NEK1: variants seen among roughly 807,000 people sequenced by gnomAD.
NEK1 encodes the protein NIMA related kinase 1.
Under a neutral mutation model 182.1 loss-of-function variants are expected in NEK1, and 137 were observed. That is an observed-to-expected ratio of 0.75 (90% CI 0.65 to 0.87). The LOEUF is 0.87. Among genes scored for constraint, NEK1 ranks in the 40% least tolerant of loss-of-function variants. The pLI, the probability that NEK1 is intolerant of heterozygous loss-of-function variation, is 0.00. For missense variants in NEK1, 1,391 were observed against 1,494.4 expected (o/e 0.93, Z 1.14); for synonymous variants, 513 against 492.2 (o/e 1.04, Z -0.56).
chr4:169,580,589 CAGCT>C lies in NEK1; in HGVS notation c.868+249_868+252del, dbSNP rs1766473786. Among the ~76,000 whole-genome samples the C allele has an allele frequency of 2.7e-5, 4 of 150,028 alleles. No homozygotes were observed. The South Asian group carries it at 8.4e-4, about 32-fold the overall frequency. ...TTCTATAACAACGTTCTCAAAATAT[CAGCT>C]AGGCATTTGATAAAGACATAAGATT... On this transcript the variant is annotated intron_variant, in intron 11 of 35. Coordinates refer to ENST00000507142, the MANE Select transcript of NEK1 (RefSeq NM_001199397.3).
At chr4:169,524,564 T>G (rs1561347368) in intron 19 of NEK1, among the ~76,000 whole-genome samples, 3 of 152,046 alleles carry the variant, frequency 2.0e-5, no homozygotes, top group Admixed American at 2.0e-4. Context: ...AGGTACTGAT[T>G]AATCACGCAT....
chr4:169,601,792 T>C (rs1160729704), intron 4 of NEK1, among the ~76,000 whole-genome samples: 3 of 151,076 alleles, frequency 2.0e-5, no homozygotes, highest in Admixed American at 2.0e-4. Flanking sequence ...GCCGAGATCA[T>C]GCCCCTGCAC....
Position 169,598,261 on chromosome 4 carries a change from T to C in NEK1, c.312+839A>G, listed in dbSNP as rs1414711311. 2.6e-5 allele frequency among the ~76,000 whole-genome samples: 4 copies of C among 152,276 alleles called. No individual in the cohort carries two copies. In the East Asian group the frequency reaches 7.7e-4, roughly 29 times the overall value. ...ATTCCTTATAAATTGAAAAAACTTA[T>C]CCAAATTAGAAGAGATAACAAATAC... On this transcript the variant is annotated intron_variant, in intron 5 of 35. Transcript: ENST00000507142.
chr4:169,405,512 T>G (rs1436016537), intron 32 of NEK1, among the ~76,000 whole-genome samples: 1 of 152,220 alleles, frequency 6.6e-6, no homozygotes, highest in Admixed American at 6.5e-5. Context: ...TAAATTAACT[T>G]GGCCAGTCCC....
intron 19 of NEK1, among the ~76,000 whole-genome samples, chr4:169,514,704 A>AT (rs1006381106): frequency 6.6e-6 from 1 of 151,854 alleles, no homozygotes; most frequent in East Asian, 1.9e-4. Flanking sequence ...AATTATACCC[A>AT]TTTTTTTCTG....
At chr4:169,443,271 A>G (rs955288364) in intron 27 of NEK1, among the ~76,000 whole-genome samples, 2 of 151,966 alleles carry the variant, frequency 1.3e-5, no homozygotes, top group Non-Finnish European at 2.9e-5. Context: ...AGCTGTGATC[A>G]CAGCACTGCC....
intron 26 of NEK1, among the ~76,000 whole-genome samples, chr4:169,472,973 T>C (rs890200676): frequency 7.2e-5 from 11 of 151,984 alleles, no homozygotes; most frequent in Non-Finnish European, 4.4e-5. Flanking sequence ...AAAAATCAAA[T>C]ACTGGCCGGG....
chr4:169,481,508 CA>C (rs368236440), intron 23 of NEK1, among the ~76,000 whole-genome samples: 3 of 152,264 alleles, frequency 2.0e-5, no homozygotes, highest in Non-Finnish European at 4.4e-5. Flanking sequence ...GGCATGAAAA[CA>C]ACATGAATCT....
intron 2 of NEK1, among the ~76,000 whole-genome samples, chr4:169,605,643 T>A (rs2150152273): frequency 6.6e-6 from 1 of 152,282 alleles, no homozygotes; most frequent in South Asian, 2.1e-4. Context: ...TACAAAATCA[T>A]AACTTATAAC....
chr4:169,573,078 T>C (rs539155228), intron 12 of NEK1, among the ~76,000 whole-genome samples: 2 of 152,184 alleles, frequency 1.3e-5, no homozygotes, highest in African/African-American at 4.8e-5. Flanking sequence ...GAAAAAACTA[T>C]AATGATGCAG....
Position 169,556,005 on chromosome 4 carries a change from T to C in NEK1, c.1357A>G (p.Met453Val). ...TTATCTTCTGCTCTTTGTTGCTGCA[T>C]TTGGTCAAAAATGGCATGGTAATGT... Reference protein sequence around the residue: ...YEHYHAIFDQMQQQRAEDNEA... With the variant: ...YEHYHAIFDQVQQQRAEDNEA... Residue 453 changes from methionine (M) to valine (V), a missense_variant, in exon 17 of 36, where the codon ATG becomes GTG. Transcript: ENST00000507142. 1.2e-6 allele frequency: 2 copies of C among 1,613,786 alleles called. No individual in the cohort carries two copies. The highest frequency in any genetic ancestry group is 8.5e-7 in the Non-Finnish European group (1 of 1,179,812).
intron 31 of NEK1, among the ~76,000 whole-genome samples, chr4:169,418,113 G>T (rs1734848264): frequency 6.6e-6 from 1 of 152,192 alleles, no homozygotes; most frequent in African/African-American, 2.4e-5. Flanking sequence ...GGTAGGAGAT[G>T]ATCAAACTGA....
intron 19 of NEK1, among the ~76,000 whole-genome samples, chr4:169,511,796 A>G (rs1487987440): frequency 6.6e-6 from 1 of 152,108 alleles, no homozygotes; most frequent in Non-Finnish European, 1.5e-5. Flanking sequence ...TCCCTAACCC[A>G]TCGACCATTA....
chr4:169,606,360 C>T (rs957225898), intron 2 of NEK1, among the ~76,000 whole-genome samples: 1 of 151,186 alleles, frequency 6.6e-6, no homozygotes, highest in Admixed American at 6.6e-5. Context: ...AAGGCAACAG[C>T]AATACAGTTC....
At chr4:169,578,692 C>T (rs1372108138) in intron 11 of NEK1, among the ~76,000 whole-genome samples, 1 of 152,042 alleles carries the variant, frequency 6.6e-6, no homozygotes, top group African/African-American at 2.4e-5. Context: ...TCTTTTAAAA[C>T]ATTTTTATAA....
chr4:169,448,608 T>C (rs533991141), intron 27 of NEK1, among the ~76,000 whole-genome samples: 5 of 152,286 alleles, frequency 3.3e-5, no homozygotes, highest in East Asian at 1.9e-4. Flanking sequence ...AATAATCCCA[T>C]TGAATGTAAA....
intron 31 of NEK1, among the ~76,000 whole-genome samples, chr4:169,417,221 G>A (rs72691042): frequency 0.094 from 14,243 of 152,180 alleles, 846 homozygotes; most frequent in African/African-American, 0.17. Context: ...GCAGGAAAGG[G>A]ACTGGTGTAT....
intron 23 of NEK1, among the ~76,000 whole-genome samples, chr4:169,497,117 C>T (rs1751464272): frequency 6.6e-6 from 1 of 152,142 alleles, no homozygotes; most frequent in Admixed American, 6.5e-5. Context: ...TCAACTTCTT[C>T]CTGGTTTAGT....
chr4:169,518,487 T>C (rs1755507227), intron 19 of NEK1, among the ~76,000 whole-genome samples: 1 of 118,756 alleles, frequency 8.4e-6, no homozygotes. Context: ...TTGAAGGGTT[T>C]TTTGTGTCTC....
Sources: allele counts gnomAD v4.1 joint callset (sites outside exome capture counted in the v4.1 genomes callset), GRCh38; gene constraint gnomAD v4.1.1; transcripts MANE v1.5; gene names NCBI Gene and HGNC (gene_info 2026-07-23, HGNC 2026-07-21).